SAXO1: variants seen among roughly 807,000 people sequenced by gnomAD.
The protein encoded by SAXO1 is 4930500O09Rik.
SAXO1 carries 21 observed loss-of-function variants against 17.5 expected under a neutral mutation model. The observed-to-expected ratio is 1.20, with a 90% CI of 0.85 to 1.72. The LOEUF is 1.72. SAXO1 is among the 40% of genes most tolerant of loss of function. The pLI is 0.00. For missense variants in SAXO1, 843 were observed against 596.0 expected, an observed-to-expected ratio of 1.41 and a Z score of -4.32; for synonymous variants, 274 against 216.5, an observed-to-expected ratio of 1.27 and a Z score of -2.33.
chr9:18,976,407 T>C (rs1833152447), intron 1 of SAXO1, among the ~76,000 whole-genome samples: 1 of 152,212 alleles, frequency 6.6e-6, no homozygotes, highest in Non-Finnish European at 1.5e-5. Context: ...TCCTTCTGCG[T>C]GTGGGTCTGT....
upstream of SAXO1, chr9:19,033,312 TGTG>T (rs1835848911): frequency 1.1e-5 from 2 of 186,332 alleles, no homozygotes; most frequent in Non-Finnish European, 2.2e-5. Flanking sequence ...AAGAGCCGCT[TGTG>T]AGGTCGGGAA....
At chr9:18,955,093 A>T (rs979996431) in intron 1 of SAXO1, among the ~76,000 whole-genome samples, 1 of 152,192 alleles carries the variant, frequency 6.6e-6, no homozygotes, top group African/African-American at 2.4e-5. Flanking sequence ...GCTACTCAGC[A>T]GGCTGAGGAG....
chr9:18,927,980 T>G lies in SAXO1; in HGVS notation c.*72A>C. 6.9e-7 allele frequency: 1 copy of G among 1,444,488 alleles called. No homozygotes were observed. The highest frequency in any genetic ancestry group is 1.4e-5 in the African/African-American group (1 of 70,702). 89.5% of individuals were successfully genotyped at this position (1,444,488 alleles called of 1,614,324 possible). A position where few individuals can be genotyped will look rare whatever the true frequency, so the allele number is the denominator to read the frequency against. The stretch of plus-strand genomic sequence containing the variant: ...TTTGTCATTTTAGGGAATTCTTTTT[T>G]GTCCAACAAATAATTCTCAGTTGTC... On this transcript the variant is annotated 3_prime_UTR_variant, in exon 4 of 4. Coordinates refer to ENST00000380534, the MANE Select transcript of SAXO1 (RefSeq NM_153707.4).
chr9:19,001,654 A>G (rs1202970856), intron 1 of SAXO1, among the ~76,000 whole-genome samples: 1 of 135,752 alleles, frequency 7.4e-6, no homozygotes, highest in Non-Finnish European at 1.7e-5. Context: ...CAACAGAGCA[A>G]GACTCCGTCA....
chr9:19,043,412 G>A (rs1352013206), intron 1 of SAXO1, among the ~76,000 whole-genome samples: 1 of 152,076 alleles, frequency 6.6e-6, no homozygotes, highest in Admixed American at 6.6e-5. Context: ...GGATAACAGG[G>A]GGGTTAAGCG....
chr9:18,931,592 T>G (rs1831053443), intron 3 of SAXO1, among the ~76,000 whole-genome samples: 1 of 152,344 alleles, frequency 6.6e-6, no homozygotes, highest in East Asian at 1.9e-4. Context: ...TACTGCCAAA[T>G]GTTCTCAAAG....
chr9:18,973,873 A>T (rs1472750842), intron 1 of SAXO1, among the ~76,000 whole-genome samples: 3 of 152,236 alleles, frequency 2.0e-5, no homozygotes, highest in Non-Finnish European at 4.4e-5. Context: ...CCACTTATTC[A>T]TTCATCCATA....
rs138947404 is a variant in SAXO1, at chr9:18,997,386, A to G, written c.38+35485T>C. ...CAACCTGGGATGCTGGAGTGTGGTA[A>G]GAGGAGGGGCATCTGCCATTGCTGA... On this transcript the variant is annotated intron_variant, in intron 1 of 3. Coordinates refer to ENST00000380534, the MANE Select transcript of SAXO1 (RefSeq NM_153707.4). 3.0e-3 allele frequency among the ~76,000 whole-genome samples: 460 copies of G among 152,344 alleles called. 8 individuals are homozygous for G. In the South Asian group the frequency reaches 0.044, roughly 15 times the overall value.
At chr9:19,011,629 C>T (rs1373626293) in intron 1 of SAXO1, among the ~76,000 whole-genome samples, 2 of 152,148 alleles carry the variant, frequency 1.3e-5, no homozygotes, top group East Asian at 3.9e-4. Context: ...GTAGATACAC[C>T]GACTCAGTAT....
intron 1 of SAXO1, among the ~76,000 whole-genome samples, chr9:19,001,766 A>C (rs1323911649): frequency 6.6e-6 from 1 of 152,212 alleles, no homozygotes. Flanking sequence ...GGAAATTTAT[A>C]ACACTAAATG....
intron 3 of SAXO1, among the ~76,000 whole-genome samples, chr9:18,930,753 C>A (rs113897857): frequency 0.023 from 3,498 of 152,314 alleles, 57 homozygotes; most frequent in Middle Eastern, 0.051. Flanking sequence ...CCCACCTCGG[C>A]CTCCCAAAGT....
At chr9:19,027,971 G>A (rs16937284) in intron 1 of SAXO1, 76,509 of 1,526,528 alleles carry the variant, frequency 0.05, 2,124 homozygotes, top group African/African-American at 0.083. Flanking sequence ...GAGCTGACCC[G>A]CTGCACAGAT....
chr9:18,928,966 TTC>T lies in SAXO1; in HGVS notation c.509_510del (p.Arg170AsnfsTer19). 6.2e-7 allele frequency: 1 copy of T among 1,614,014 alleles called. No individual in the cohort carries two copies. The highest frequency in any genetic ancestry group is 8.5e-7 in the Non-Finnish European group (1 of 1,180,024). ...ATGGGGTAATCGTCCTGGTGTGTGG[TTC>T]TGTTATCAAACCTGACTGATGCCGG... ...YQPASVRFDN[R>X]TTHQDDYPIK... On this transcript the variant is annotated frameshift_variant, in exon 4 of 4. Coordinates refer to ENST00000380534, the MANE Select transcript of SAXO1 (RefSeq NM_153707.4). LOFTEE classifies it low-confidence loss of function (END_TRUNC).
upstream of SAXO1, among the ~76,000 whole-genome samples, chr9:19,036,121 G>T: frequency 6.6e-6 from 1 of 151,450 alleles, no homozygotes; most frequent in African/African-American, 2.4e-5. Flanking sequence ...AGGGGGCTGG[G>T]GGAGGGAGAG....
chr9:19,044,949 G>A (rs1250067360), intron 1 of SAXO1, among the ~76,000 whole-genome samples: 1 of 152,052 alleles, frequency 6.6e-6, no homozygotes, highest in African/African-American at 2.4e-5. Flanking sequence ...AATGGTTCAA[G>A]AATCGGTAGC....
intron 1 of SAXO1, among the ~76,000 whole-genome samples, chr9:19,011,455 C>T (rs552904308): frequency 3.9e-5 from 6 of 152,264 alleles, no homozygotes; most frequent in East Asian, 1.9e-4. Context: ...GCAGATTGTC[C>T]CCTAAATTGA....
chr9:19,013,972 G>A (rs1834859258), intron 1 of SAXO1, among the ~76,000 whole-genome samples: 1 of 152,148 alleles, frequency 6.6e-6, no homozygotes, highest in African/African-American at 2.4e-5. Context: ...TGGTGAGTCT[G>A]AAATACAGGT....
At chr9:18,991,691 T>C (rs1259070345) in intron 1 of SAXO1, among the ~76,000 whole-genome samples, 3 of 152,196 alleles carry the variant, frequency 2.0e-5, no homozygotes, top group Non-Finnish European at 4.4e-5. Flanking sequence ...ATTGTGCACA[T>C]GTACCCTAGA....
At chr9:18,982,759 C>A (rs1360135034) in intron 1 of SAXO1, among the ~76,000 whole-genome samples, 1 of 152,192 alleles carries the variant, frequency 6.6e-6, no homozygotes, top group Non-Finnish European at 1.5e-5. Flanking sequence ...CTTTTGAAGA[C>A]TTGCTGAGTA....
Sources: gnomAD v4.1 joint callset for allele counts (sites outside exome capture counted in the v4.1 genomes callset) on GRCh38, gnomAD v4.1.1 for gene constraint, MANE v1.5 for transcripts, NCBI Gene and HGNC (gene_info 2026-07-23, HGNC 2026-07-21) for gene names.